The following NEXN variants were observed in gnomAD, a reference collection of about 807,000 sequenced individuals.
The protein encoded by NEXN is nexilin.
In NEXN, 65 loss-of-function variants were observed where a neutral mutation model predicts 92.6. The observed-to-expected ratio is 0.70, with a 90% confidence interval of 0.57 to 0.86. The LOEUF (loss-of-function observed/expected upper bound fraction) is 0.86, where lower values mean the gene tolerates loss of function less well. Among genes scored for constraint, NEXN ranks in the 40% least tolerant of loss-of-function variants. The pLI is 0.00. For missense variants in NEXN, 778 were observed against 771.1 expected (o/e 1.01, Z -0.11); for synonymous variants, 254 against 242.5 (o/e 1.05, Z -0.44).
chr1:77,925,532 A>C (rs1228143141), intron 6 of NEXN, among the ~76,000 whole-genome samples: 4 of 152,190 alleles, frequency 2.6e-5, no homozygotes, highest in Non-Finnish European at 5.9e-5. Flanking sequence ...AACAGCTGAG[A>C]TTGTTGAACG....
chr1:77,919,485 C>T (rs1307712515), intron 5 of NEXN, among the ~76,000 whole-genome samples: 1 of 151,914 alleles, frequency 6.6e-6, no homozygotes, highest in African/African-American at 2.4e-5. Context: ...AAGTGGGGTA[C>T]AGGTATTGGG....
At chr1:77,914,793 G>A (rs920894887) in intron 1 of NEXN, among the ~76,000 whole-genome samples, 9 of 150,766 alleles carry the variant, frequency 6.0e-5, no homozygotes, top group African/African-American at 2.0e-4. Flanking sequence ...GAAGGCGGAG[G>A]TTGCAGTGAG....
intron 1 of NEXN, among the ~76,000 whole-genome samples, chr1:77,908,570 T>C (rs1648331103): frequency 6.6e-6 from 1 of 151,784 alleles, no homozygotes; most frequent in Non-Finnish European, 1.5e-5. Context: ...CTGGCTAATT[T>C]TGTATTTTTA....
At chr1:77,896,531 C>A (rs1350619671) in intron 1 of NEXN, among the ~76,000 whole-genome samples, 1 of 151,988 alleles carries the variant, frequency 6.6e-6, no homozygotes, top group East Asian at 1.9e-4. Flanking sequence ...ACTTTGGGAG[C>A]CCGAGGCGGG....
intron 9 of NEXN, among the ~76,000 whole-genome samples, chr1:77,930,610 C>T (rs776949335): frequency 1.8e-4 from 28 of 152,204 alleles, no homozygotes; most frequent in Non-Finnish European, 3.7e-4. Context: ...TAGTCTTGCT[C>T]TTGTATATTG....
rs201771600 is a variant in NEXN, at chr1:77,929,299, A to G, written c.865-17A>G. The G allele has an allele frequency of 1.7e-4, 256 of 1,523,370 alleles. No homozygotes were observed. The highest frequency in any genetic ancestry group is 2.2e-4 in the Non-Finnish European group (242 of 1,098,362). 94.4% of individuals were successfully genotyped at this position (1,523,370 alleles called of 1,614,324 possible). On this transcript the variant is annotated splice_polypyrimidine_tract_variant and intron_variant, in intron 8 of 12. Coordinates refer to ENST00000334785, the MANE Select transcript of NEXN (RefSeq NM_144573.4). ...GATGAACCTCAATTCTTAGTAATGA[A>G]TTGTTTATTTGGTTAGGTAAATGAA...
chr1:77,927,210 G>A (rs1302708750), intron 8 of NEXN, among the ~76,000 whole-genome samples: 1 of 151,960 alleles, frequency 6.6e-6, no homozygotes, highest in African/African-American at 2.4e-5. Context: ...AGGCGATGGA[G>A]GTTGCAGTGA....
chr1:77,899,407 G>A (rs1213504277), intron 1 of NEXN, among the ~76,000 whole-genome samples: 8 of 151,654 alleles, frequency 5.3e-5, no homozygotes, highest in Admixed American at 1.3e-4. Flanking sequence ...CTATCGCAAG[G>A]ACAAAAAACC....
chr1:77,927,737 G>A (rs533269390), intron 8 of NEXN, among the ~76,000 whole-genome samples: 1 of 151,480 alleles, frequency 6.6e-6, no homozygotes, highest in South Asian at 2.1e-4. Flanking sequence ...CTCTCGCTGT[G>A]TTAATTAATT....
At chr1:77,933,601 G>T in intron 10 of NEXN, 122 bp downstream of exon 10, 2 of 786,382 alleles carry the variant, frequency 2.5e-6, no homozygotes, top group African/African-American at 1.7e-5. Flanking sequence ...GTATTATGAG[G>T]TGCTTACATG....
At chr1:77,900,842 A>G (rs1647649294) in intron 1 of NEXN, among the ~76,000 whole-genome samples, 2 of 152,156 alleles carry the variant, frequency 1.3e-5, no homozygotes, top group Admixed American at 6.5e-5. Context: ...TTTTAGATAC[A>G]TAGGTGTAAT....
chr1:77,942,361 T>G, intron 12 of NEXN, 100 bp from the exon 13 acceptor site: 1 of 1,421,306 alleles, frequency 7.0e-7, no homozygotes, highest in South Asian at 1.2e-5. Flanking sequence ...CACTTGTATG[T>G]TCTTTACTTA....
chr1:77,918,782 A>C (rs762315100), intron 5 of NEXN, among the ~76,000 whole-genome samples: 1 of 152,124 alleles, frequency 6.6e-6, no homozygotes, highest in Non-Finnish European at 1.5e-5. Context: ...TAGAATAGTG[A>C]GATGATTTGT....
At chr1:77,927,212 T>C (rs538342189) in intron 8 of NEXN, among the ~76,000 whole-genome samples, 41 of 151,916 alleles carry the variant, frequency 2.7e-4, no homozygotes, top group African/African-American at 8.2e-4. Context: ...GCGATGGAGG[T>C]TGCAGTGAGC....
intron 5 of NEXN, among the ~76,000 whole-genome samples, chr1:77,920,643 T>TG (rs1649349565): frequency 1.3e-4 from 7 of 55,846 alleles, no homozygotes; most frequent in Non-Finnish European, 1.4e-4. Context: ...AAAAAAAAAA[T>TG]GGTGGGGGGT....
chr1:77,919,692 C>A (rs950671155), intron 5 of NEXN, among the ~76,000 whole-genome samples: 3 of 151,632 alleles, frequency 2.0e-5, no homozygotes, highest in African/African-American at 7.3e-5. Flanking sequence ...CTCCACCACC[C>A]AGGTTGAAGC....
intron 1 of NEXN, among the ~76,000 whole-genome samples, chr1:77,901,841 C>T (rs184137973): frequency 3.9e-5 from 6 of 152,288 alleles, no homozygotes; most frequent in African/African-American, 9.6e-5. Context: ...TGGGATCAAA[C>T]GATCTTTCTA....
At chr1:77,897,779 A>G (rs1195613261) in intron 1 of NEXN, among the ~76,000 whole-genome samples, 2 of 152,208 alleles carry the variant, frequency 1.3e-5, no homozygotes, top group African/African-American at 4.8e-5. Flanking sequence ...TCAGCCCAAA[A>G]TCTCCTTAAG....
In NEXN at chr1:77,918,047, C is replaced by T. The variant is rs557550792; in HGVS notation, c.298+9C>T. 5 of 1,612,500 alleles carry T rather than the reference C, an allele frequency of 3.1e-6. No individual in the cohort carries two copies. The highest frequency in any genetic ancestry group is 2.2e-5 in the South Asian group (2 of 91,042). ...TGTTCCAAAATTAACAGGTAAGAAG[C>T]TTGAGGGGTAAATAGTAAATTAAAT... is the stretch of plus-strand genomic sequence containing the variant. On this transcript the variant is annotated intron_variant, in intron 4 of 12. Transcript: ENST00000334785.
Sources: allele counts gnomAD v4.1 joint callset (sites outside exome capture counted in the v4.1 genomes callset), GRCh38; gene constraint gnomAD v4.1.1; transcripts MANE v1.5; gene names NCBI Gene and HGNC (gene_info 2026-07-23, HGNC 2026-07-21).